Variants in PAXBP1 observed in about 807,000 individuals in gnomAD.
PAXBP1 encodes the protein PAX3- and PAX7-binding protein 1.
In PAXBP1, 44 loss-of-function variants were observed where a neutral mutation model predicts 119.9. The ratio of observed to expected loss-of-function variants is 0.37; its 90% CI spans 0.29 to 0.47. The LOEUF (loss-of-function observed/expected upper bound fraction) is 0.47, where lower values mean the gene tolerates loss of function less well. Ranked by LOEUF, PAXBP1 falls within the 20% of genes least tolerant of loss-of-function variation. PAXBP1 has a pLI of 0.99. For synonymous variants in PAXBP1, 393 were observed against 406.6 expected (o/e 0.97, Z 0.40); for missense variants, 898 against 1,134.1 (o/e 0.79, Z 2.99).
At position 32,771,427 on chromosome 21, in the gene PAXBP1, C is replaced by G. The variant is rs2044348089; in HGVS notation, c.242G>C (p.Gly81Ala). 2.0e-6 allele frequency: 3 copies of G among 1,531,738 alleles called. No individual in the cohort carries two copies. In the African/African-American group the frequency reaches 4.3e-5, roughly 22 times the overall value. 94.9% of individuals were successfully genotyped at this position (1,531,738 alleles called of 1,614,324 possible). A position where few individuals can be genotyped will look rare whatever the true frequency, so the allele number is the denominator to read the frequency against. The change falls in exon 1 of 18, where the codon GGC (glycine) becomes GCC (alanine). Residue 81 changes from glycine (G) to alanine (A), a missense_variant. Gly to Ala is a moderately conservative substitution (Grantham distance 60). This residue lies in a region of PAXBP1 where 299 missense variants were observed against 281.4 expected (regional missense o/e 1.06). Coordinates refer to ENST00000331923, the MANE Select transcript of PAXBP1 (RefSeq NM_016631.4). Reference protein sequence around the residue: ...LGAEAGGGFPGGAEPGNGLKP... With the variant: ...LGAEAGGGFPAGAEPGNGLKP... Reference sequence around the variant, plus strand: ...CAGCCCGTTGCCGGGCTCCGCGCCGCCGGGGAAGCCGCCCCCGGCCTCAGC... The same window carrying G: ...CAGCCCGTTGCCGGGCTCCGCGCCGGCGGGGAAGCCGCCCCCGGCCTCAGC...
rs375551594 is a variant in PAXBP1, at chr21:32,748,708, A to G, written c.1724-10T>C. The G allele has an allele frequency of 1.2e-6, 2 of 1,605,102 alleles. No homozygotes were observed. Among genetic ancestry groups the G allele is most frequent in the East Asian group, 2.2e-5 (1 of 44,760 alleles). ...TCTTTTGAAATTCGATCTAAAAACA[A>G]CAAAACCCCACAGAGAACCATACAT... On this transcript the variant is annotated splice_polypyrimidine_tract_variant and intron_variant, in intron 10 of 17. Coordinates refer to ENST00000331923, the MANE Select transcript of PAXBP1 (RefSeq NM_016631.4).
At position 32,745,737 on chromosome 21, in the gene PAXBP1, G is replaced by T. The variant is rs763739580; in HGVS notation, c.1924-19C>A. ...ATTTTGCCTAAAAGACATTTAAAAG[G>T]TTACCCAAATACTAAAATAGTGGCT... On this transcript the variant is annotated intron_variant, in intron 11 of 17. Transcript: ENST00000331923. 3.7e-6 allele frequency: 6 copies of T among 1,613,064 alleles called. No homozygotes were observed. The East Asian group carries it at 1.1e-4, about 30-fold the overall frequency.
intron 8 of PAXBP1, among the ~76,000 whole-genome samples, chr21:32,753,241 G>A (rs1004739842): frequency 3.3e-5 from 5 of 151,758 alleles, no homozygotes; most frequent in Admixed American, 1.3e-4. Flanking sequence ...GGTGGATCAC[G>A]AGGTCAGGAG....
At chr21:32,738,728 C>A (rs1019937962) in intron 15 of PAXBP1, among the ~76,000 whole-genome samples, 4 of 152,080 alleles carry the variant, frequency 2.6e-5, no homozygotes, top group African/African-American at 9.7e-5. Context: ...TGCATGGCTA[C>A]CATGTATCAT....
Position 32,745,440 on chromosome 21 carries a change from C to T in PAXBP1, c.2068+134G>A, listed in dbSNP as rs1009021956. ...AAGAACCCCTCTGCCCTCTAGCCAT[C>T]TCTGGGCCAGGTGGTAACTATTATT... On this transcript the variant is annotated intron_variant, in intron 12 of 17. Coordinates refer to ENST00000331923, the MANE Select transcript of PAXBP1 (RefSeq NM_016631.4). The T allele has an allele frequency of 3.9e-6, 5 of 1,295,202 alleles. No homozygotes were observed. In the African/African-American group the frequency reaches 7.5e-5, roughly 19 times the overall value. The allele number at this position is 1,295,202 out of a possible 1,614,324, so 80.2% of individuals were successfully genotyped here.
chr21:32,770,926 G>A (rs889471461), intron 1 of PAXBP1, among the ~76,000 whole-genome samples: 2 of 152,174 alleles, frequency 1.3e-5, no homozygotes, highest in Non-Finnish European at 2.9e-5. Flanking sequence ...AGGATGCCTG[G>A]ACAGAGCATC....
intron 1 of PAXBP1, among the ~76,000 whole-genome samples, chr21:32,770,180 A>T (rs1286404200): frequency 1.3e-5 from 2 of 152,242 alleles, no homozygotes; most frequent in Admixed American, 6.5e-5. Context: ...GTAACTTCAC[A>T]AAATTTTCCT....
chr21:32,759,154 T>C lies in PAXBP1; in HGVS notation c.1309A>G (p.Ile437Val). ...IERLEGSSGG[I>V]GERYKFLQEM... ...TGCAAAAATTTATACCGTTCACCAA[T>C]ACCCCCAGAAGACCCTTCTAATCTT... Residue 437 changes from isoleucine (I) to valine (V), a missense_variant, in exon 7 of 18, where the codon ATT becomes GTT. Coordinates refer to ENST00000331923, the MANE Select transcript of PAXBP1 (RefSeq NM_016631.4). 1 of 1,614,050 alleles carries C rather than the reference T, an allele frequency of 6.2e-7. No individual in the cohort carries two copies. The highest frequency in any genetic ancestry group is 8.5e-7 in the Non-Finnish European group (1 of 1,179,930).
At chr21:32,762,059 A>T (rs1197713747) in intron 4 of PAXBP1, 37 bp downstream of exon 4, 1 of 1,608,708 alleles carries the variant, frequency 6.2e-7, no homozygotes, top group Admixed American at 1.7e-5. Flanking sequence ...AAAAAAAGGC[A>T]ATGCAATAGG....
chr21:32,758,437 C>T (rs2044078485), intron 7 of PAXBP1, among the ~76,000 whole-genome samples: 1 of 151,536 alleles, frequency 6.6e-6, no homozygotes, highest in South Asian at 2.1e-4. Flanking sequence ...GAGAAACTAG[C>T]TGTTTGCACC....
chr21:32,757,614 A>G (rs1237235527), intron 7 of PAXBP1, among the ~76,000 whole-genome samples: 2 of 152,220 alleles, frequency 1.3e-5, no homozygotes, highest in Non-Finnish European at 2.9e-5. Flanking sequence ...AGCTGATCAT[A>G]TTACTGTCAA....
chr21:32,746,329 C>A (rs922133264), intron 11 of PAXBP1, among the ~76,000 whole-genome samples: 6 of 152,150 alleles, frequency 3.9e-5, no homozygotes, highest in African/African-American at 1.4e-4. Flanking sequence ...AGTGAACAGA[C>A]AACCTACAGA....
intron 2 of PAXBP1, among the ~76,000 whole-genome samples, chr21:32,765,356 A>G (rs1005921082): frequency 6.6e-6 from 1 of 152,212 alleles, no homozygotes; most frequent in African/African-American, 2.4e-5. Context: ...GCACCACTAC[A>G]TCTTAATGAT....
chr21:32,745,512 T>G, intron 12 of PAXBP1, 62 bp downstream of exon 12: 1 of 1,585,880 alleles, frequency 6.3e-7, no homozygotes, highest in Non-Finnish European at 8.6e-7. Flanking sequence ...TATAAACTCA[T>G]AAAAATAGAT....
chr21:32,734,442 C>T lies in PAXBP1; in HGVS notation c.*508G>A, dbSNP rs2146459818. ...TCTCAATGTTAAGGCAGCACAGCTACAGTGATAGCAACGCTAACCAAAAGG... is the reference window on the plus strand; with the variant it reads ...TCTCAATGTTAAGGCAGCACAGCTATAGTGATAGCAACGCTAACCAAAAGG... On this transcript the variant is annotated 3_prime_UTR_variant, in exon 18 of 18. Coordinates refer to ENST00000331923, the MANE Select transcript of PAXBP1 (RefSeq NM_016631.4). 6.2e-6 allele frequency: 1 copy of T among 160,596 alleles called. No individual in the cohort carries two copies. The highest frequency in any genetic ancestry group is 1.8e-4 in the South Asian group (1 of 5,558). 9.9% of individuals were successfully genotyped at this position (160,596 alleles called of 1,614,324 possible).
intron 3 of PAXBP1, among the ~76,000 whole-genome samples, chr21:32,762,867 C>A (rs1419929466): frequency 1.4e-5 from 2 of 145,896 alleles, no homozygotes; most frequent in East Asian, 4.0e-4. Context: ...GCCGAGATTG[C>A]ACCACTGCAC....
At chr21:32,765,129 T>C (rs2044219202) in intron 2 of PAXBP1, among the ~76,000 whole-genome samples, 2 of 152,070 alleles carry the variant, frequency 1.3e-5, no homozygotes, top group Admixed American at 1.3e-4. Flanking sequence ...TGTTTAAGAG[T>C]GGACTTCTGA....
rs376098116 is a variant in PAXBP1 at position 32,745,564 on chromosome 21, G to T, written c.2068+10C>A. 14 of 1,613,782 alleles carry T rather than the reference G, an allele frequency of 8.7e-6. No individual in the cohort carries two copies. Among genetic ancestry groups the T allele is most frequent in the Non-Finnish European group, 1.0e-5 (12 of 1,179,770 alleles). ...GTCTGAATGCTCAATTCAGAGAACAGGAGATTTACCTGTTAGTTTAGGAAG... is the reference window on the plus strand; with the variant it reads ...GTCTGAATGCTCAATTCAGAGAACATGAGATTTACCTGTTAGTTTAGGAAG... On this transcript the variant is annotated intron_variant, in intron 12 of 17. Transcript: ENST00000331923.
Position 32,737,415 on chromosome 21 carries a change from A to G in PAXBP1, c.2482-7T>C. 6.3e-7 allele frequency: 1 copy of G among 1,590,380 alleles called. No individual in the cohort carries two copies. Among genetic ancestry groups the G allele is most frequent in the Non-Finnish European group, 8.5e-7 (1 of 1,170,322 alleles). ...TGGGGAAACAATTGATTACCTGTGG[A>G]GAAGAAAGACGTAAAATAAAATAGT... On this transcript the variant is annotated splice_polypyrimidine_tract_variant and splice_region_variant and intron_variant, in intron 16 of 17. Coordinates refer to ENST00000331923, the MANE Select transcript of PAXBP1 (RefSeq NM_016631.4).
Sources: allele counts gnomAD v4.1 joint callset (sites outside exome capture counted in the v4.1 genomes callset), GRCh38; gene constraint gnomAD v4.1.1; regional missense constraint gnomAD v4.1.1; transcripts MANE v1.5; gene names NCBI Gene and HGNC (gene_info 2026-07-23, HGNC 2026-07-21).